CHD7: variants seen among roughly 807,000 people sequenced by gnomAD.
CHD7 encodes ATP-dependent chromatin remodeler CHD7.
Under a neutral mutation model 307.3 loss-of-function variants are expected in CHD7, and 24 were observed. That is an observed-to-expected ratio of 0.08 (90% CI 0.06 to 0.11). The LOEUF is 0.11. Ranked by LOEUF, CHD7 falls within the 10% of genes least tolerant of loss-of-function variation. CHD7 has a pLI of 1.00. For synonymous variants in CHD7, 1,363 were observed against 1,349.9 expected (o/e 1.01, Z -0.21); for missense variants, 3,106 against 3,727.1 (o/e 0.83, Z 4.34).
intron 1 of CHD7, among the ~76,000 whole-genome samples, chr8:60,726,106 A>G (rs1233854923): frequency 6.6e-6 from 1 of 152,230 alleles, no homozygotes; most frequent in African/African-American, 2.4e-5. Flanking sequence ...TGCATTTAAA[A>G]CTGAAACTTC....
At chr8:60,813,476 T>C (rs1318184313) in intron 7 of CHD7, among the ~76,000 whole-genome samples, 1 of 152,232 alleles carries the variant, frequency 6.6e-6, no homozygotes, top group Non-Finnish European at 1.5e-5. Flanking sequence ...CCATGCTTTC[T>C]GATTTTTGTG....
intron 23 of CHD7, among the ~76,000 whole-genome samples, chr8:60,846,734 T>C (rs1420246167): frequency 6.6e-6 from 1 of 152,268 alleles, no homozygotes; most frequent in African/African-American, 2.4e-5. Context: ...ATGGATTATC[T>C]GTTTGAATTG....
chr8:60,842,094 A>G (rs1226036299), intron 21 of CHD7, 42 bp downstream of exon 21: 2 of 1,502,812 alleles, frequency 1.3e-6, no homozygotes, highest in Non-Finnish European at 1.8e-6. Flanking sequence ...TTATTGTAAC[A>G]GTAGTTAGAA....
chr8:60,849,226 C>CT (rs1805346743), intron 25 of CHD7, 72 bp downstream of exon 25: 12 of 930,532 alleles, frequency 1.3e-5, no homozygotes, highest in Non-Finnish European at 1.5e-5. Flanking sequence ...TTTACATACT[C>CT]TTTTCCAAAG....
At chr8:60,703,693 C>T (rs1806879357) in intron 1 of CHD7, among the ~76,000 whole-genome samples, 1 of 152,184 alleles carries the variant, frequency 6.6e-6, no homozygotes, top group African/African-American at 2.4e-5. Context: ...CAACAAACAG[C>T]CCTCCCATCC....
intron 13 of CHD7, chr8:60,825,084 G>T (rs190445129): frequency 2.0e-5 from 3 of 152,294 alleles, no homozygotes; most frequent in Admixed American, 2.0e-4. Flanking sequence ...TATTTTTAAT[G>T]CTAATTTCTG....
At chr8:60,739,252 C>G (rs998182298) in intron 1 of CHD7, among the ~76,000 whole-genome samples, 1 of 152,170 alleles carries the variant, frequency 6.6e-6, no homozygotes, top group African/African-American at 2.4e-5. Flanking sequence ...ACGTTACTTT[C>G]CTTAAGCTAA....
chr8:60,865,198 G>A lies in CHD7; in HGVS notation c.8259G>A (p.Met2753Ile). 1 of 1,611,512 alleles carries A rather than the reference G, an allele frequency of 6.2e-7. No homozygotes were observed. Among genetic ancestry groups the A allele is most frequent in the African/African-American group, 1.3e-5 (1 of 75,016 alleles). ...PLLVNSLFAG[M>I]DLTSLQNLQN... ...TGGTGAACAGCCTGTTTGCTGGAAT[G>A]GACCTGACGAGCCTTCAGAATCTCC... Residue 2753 changes from methionine to isoleucine, a missense_variant, in exon 38 of 38, where the codon ATG becomes ATA. Around this residue, in one of 10 missense-constraint regions of CHD7, gnomAD observed 351 missense variants for 366.2 expected, o/e 0.96. Coordinates refer to ENST00000423902, the MANE Select transcript of CHD7 (RefSeq NM_017780.4). The surrounding 1 kb of genome is among the most constrained non-coding windows in gnomAD (Gnocchi z 4.3).
intron 2 of CHD7, among the ~76,000 whole-genome samples, chr8:60,753,614 GTTTTC>G (rs992014314): frequency 2.6e-5 from 4 of 151,616 alleles, no homozygotes; most frequent in Non-Finnish European, 4.4e-5. Flanking sequence ...TTTTTGTTTT[GTTTTC>G]TTTTGTTTTG....
chr8:60,752,297 G>A (rs1809678688), intron 2 of CHD7, among the ~76,000 whole-genome samples: 1 of 152,232 alleles, frequency 6.6e-6, no homozygotes, highest in Non-Finnish European at 1.5e-5. Context: ...GGTGCAAGCA[G>A]TGGTGCTGGG....
chr8:60,822,613 C>T lies in CHD7; in HGVS notation c.3068C>T (p.Ala1023Val), dbSNP rs1804096984. 6.2e-7 allele frequency: 1 copy of T among 1,613,762 alleles called. No homozygotes were observed. The highest frequency in any genetic ancestry group is 8.5e-7 in the Non-Finnish European group (1 of 1,179,736). Residue 1023 changes from alanine to valine, a missense_variant, in exon 12 of 38, where the codon GCC (alanine) becomes GTC (valine). Coordinates refer to ENST00000423902, the MANE Select transcript of CHD7 (RefSeq NM_017780.4). The stretch of plus-strand genomic sequence containing the variant: ...ATCCATGGCCCTTTTTTAGTAATTG[C>T]CCCATTGTCCACAATCCCCAACTGG... ...KGIHGPFLVI[A>V]PLSTIPNWER...
chr8:60,784,984 C>T (rs1186781616), intron 3 of CHD7, among the ~76,000 whole-genome samples: 1 of 151,988 alleles, frequency 6.6e-6, no homozygotes, highest in African/African-American at 2.4e-5. Context: ...TTCAAATATT[C>T]GTTGCTAATA....
At position 60,741,548 on chromosome 8, in the gene CHD7, A is replaced by T; in HGVS notation, c.116A>T (p.Gln39Leu). ...GAAAATCCAGTAAATCCTATGGGTC[A>T]GCAAATGCCAATAGACCAAGGCTTT... ...YPENPVNPMG[Q>L]QMPIDQGFAS... is the part of the protein sequence containing the mutation. Residue 39 changes from glutamine to leucine, a missense_variant, in exon 2 of 38, where the codon CAG (glutamine) becomes CTG (leucine). Gln to Leu is a moderately radical substitution (Grantham distance 113). Coordinates refer to ENST00000423902, the MANE Select transcript of CHD7 (RefSeq NM_017780.4). The T allele has an allele frequency of 6.2e-7, 1 of 1,613,584 alleles. No homozygotes were observed. Among genetic ancestry groups the T allele is most frequent in the East Asian group, 2.2e-5 (1 of 44,876 alleles).
At chr8:60,821,664 A>G (rs1804045610) in intron 9 of CHD7, 126 bp from the exon 10 acceptor site, 1 of 677,442 alleles carries the variant, frequency 1.5e-6, no homozygotes, top group Non-Finnish European at 2.3e-6. Flanking sequence ...ACATACATAT[A>G]TATGTATAAA....
intron 3 of CHD7, among the ~76,000 whole-genome samples, chr8:60,786,015 G>A (rs549491832): frequency 5.9e-5 from 9 of 152,218 alleles, no homozygotes; most frequent in Admixed American, 4.6e-4. Flanking sequence ...TTTCAGTGTT[G>A]GTGCCCATGG....
chr8:60,815,507 T>G (rs1370472483), intron 7 of CHD7, among the ~76,000 whole-genome samples: 1 of 152,148 alleles, frequency 6.6e-6, no homozygotes, highest in African/African-American at 2.4e-5. Flanking sequence ...AGCAAAAGAA[T>G]GTCAGAGTTG....
At chr8:60,680,628 G>T (rs1424882896) in intron 1 of CHD7, among the ~76,000 whole-genome samples, 1 of 152,198 alleles carries the variant, frequency 6.6e-6, no homozygotes, top group East Asian at 1.9e-4. Context: ...CGCGGAGAGT[G>T]CTCCTGCTAT....
chr8:60,744,434 G>A (rs1293996570), intron 2 of CHD7, among the ~76,000 whole-genome samples: 1 of 146,066 alleles, frequency 6.8e-6, no homozygotes, highest in Non-Finnish European at 1.5e-5. Context: ...AAAGTAAAAG[G>A]GTTTAGTCAG....
intron 4 of CHD7, 102 bp from the exon 5 acceptor site, chr8:60,800,286 C>G (rs1003156468): frequency 1.4e-5 from 16 of 1,164,492 alleles, no homozygotes; most frequent in Non-Finnish European, 1.9e-5. Flanking sequence ...CCCGCCTCGG[C>G]CTCCCAAAGT....
Sources: allele counts gnomAD v4.1 joint callset (sites outside exome capture counted in the v4.1 genomes callset), GRCh38; gene constraint gnomAD v4.1.1; regional missense constraint gnomAD v4.1.1; non-coding constraint Gnocchi (gnomAD v3.1); transcripts MANE v1.5; gene names NCBI Gene and HGNC (gene_info 2026-07-23, HGNC 2026-07-21).